Variants in CLMN observed in about 807,000 individuals in gnomAD.
The protein encoded by CLMN is calmin (calponin-like, transmembrane).
In CLMN, 57 loss-of-function variants were observed where a neutral mutation model predicts 92.7. That is an observed-to-expected ratio of 0.61 (90% CI 0.50 to 0.77). The LOEUF (loss-of-function observed/expected upper bound fraction) is 0.77, where lower values mean the gene tolerates loss of function less well. CLMN is among the 30% of genes least tolerant of loss of function. The pLI, the probability that CLMN is intolerant of heterozygous loss-of-function variation, is 0.00. For missense variants in CLMN, 1,158 were observed against 1,237.5 expected, an observed-to-expected ratio of 0.94 and a Z score of 0.96; for synonymous variants, 466 against 470.6, an observed-to-expected ratio of 0.99 and a Z score of 0.13.
intron 1 of CLMN, among the ~76,000 whole-genome samples, chr14:95,237,051 C>T (rs916303828): frequency 3.9e-5 from 6 of 152,274 alleles, no homozygotes; most frequent in East Asian, 3.9e-4. Context: ...CGTAAGTGCT[C>T]AATAGATGCA....
chr14:95,195,767 C>T (rs763425344), intron 10 of CLMN, among the ~76,000 whole-genome samples: 1 of 151,946 alleles, frequency 6.6e-6, no homozygotes, highest in Non-Finnish European at 1.5e-5. Context: ...AGTTCCTGGG[C>T]ACAGTAAGGG....
chr14:95,223,058 G>A (rs908398900), intron 3 of CLMN, among the ~76,000 whole-genome samples: 6 of 152,188 alleles, frequency 3.9e-5, no homozygotes, highest in Non-Finnish European at 5.9e-5. Context: ...TTCTGGGCTG[G>A]ATCAGTTTGC....
intron 8 of CLMN, among the ~76,000 whole-genome samples, chr14:95,207,796 C>T (rs950622689): frequency 6.6e-6 from 1 of 152,176 alleles, no homozygotes; most frequent in African/African-American, 2.4e-5. Flanking sequence ...GAAACACACA[C>T]ACAGGTGGGG....
chr14:95,239,871 A>AT (rs1898185742), intron 1 of CLMN, among the ~76,000 whole-genome samples: 1 of 152,246 alleles, frequency 6.6e-6, no homozygotes, highest in African/African-American at 2.4e-5. Flanking sequence ...GATGGACCAC[A>AT]TACACAATGG....
intron 1 of CLMN, among the ~76,000 whole-genome samples, chr14:95,276,385 T>C (rs1899928826): frequency 6.6e-6 from 1 of 152,220 alleles, no homozygotes; most frequent in Non-Finnish European, 1.5e-5. Flanking sequence ...CGCTCTTTGC[T>C]GTCATCTGTG....
At chr14:95,304,649 A>T (rs1901198164) in intron 1 of CLMN, among the ~76,000 whole-genome samples, 1 of 152,112 alleles carries the variant, frequency 6.6e-6, no homozygotes, top group African/African-American at 2.4e-5. Flanking sequence ...TGTACTGTAC[A>T]ATCTATATAG....
chr14:95,196,667 T>G lies in CLMN; in HGVS notation c.2539A>C (p.Ile847Leu). The G allele has an allele frequency of 6.2e-7, 1 of 1,613,402 alleles. No homozygotes were observed. Among genetic ancestry groups the G allele is most frequent in the South Asian group, 1.1e-5 (1 of 90,984 alleles). Reference sequence around the variant, plus strand: ...ACATTTTCTTCTAGGGGGTTTGCTATGTTTTCCAGGTTTGGGGATTCCTGG... The same window carrying G: ...ACATTTTCTTCTAGGGGGTTTGCTAGGTTTTCCAGGTTTGGGGATTCCTGG... Reference protein sequence around the residue: ...QSQESPNLENIANPLEENVTK... With the variant: ...QSQESPNLENLANPLEENVTK... The change falls in exon 10 of 13, where the codon ATA becomes CTA. Residue 847 changes from isoleucine to leucine, a missense_variant. Coordinates refer to ENST00000298912, the MANE Select transcript of CLMN (RefSeq NM_024734.4).
At position 95,221,736 on chromosome 14, in the gene CLMN, C is replaced by T. The variant is rs938093788; in HGVS notation, c.279G>A (p.Arg93=). Residue 93 remains arginine, a synonymous_variant, in exon 4 of 13, where the codon CGG becomes CGA. Coordinates refer to ENST00000298912, the MANE Select transcript of CLMN (RefSeq NM_024734.4). ...EYKSSSHRIF[R]LNNIAKALKF... is the part of the protein sequence containing the mutation. ...TAAGTGCTTTCGCTATGTTGTTCAACCGAAAAATACGATGCGACGAGGATT... is the reference window on the plus strand; with the variant it reads ...TAAGTGCTTTCGCTATGTTGTTCAATCGAAAAATACGATGCGACGAGGATT... The T allele has an allele frequency of 6.2e-7, 1 of 1,613,980 alleles. No homozygotes were observed. Among genetic ancestry groups the T allele is most frequent in the African/African-American group, 1.3e-5 (1 of 74,920 alleles).
chr14:95,306,534 A>T (rs1901286496), intron 1 of CLMN, among the ~76,000 whole-genome samples: 1 of 148,892 alleles, frequency 6.7e-6, no homozygotes, highest in African/African-American at 2.5e-5. Flanking sequence ...CATCTCAAAC[A>T]AAAAAAAAAG....
chr14:95,258,362 T>G (rs760421242), intron 1 of CLMN, among the ~76,000 whole-genome samples: 5 of 148,542 alleles, frequency 3.4e-5, no homozygotes, highest in Non-Finnish European at 7.5e-5. Flanking sequence ...GGTATGTTTG[T>G]GTGGGGGTGT....
At chr14:95,199,389 C>A (rs749357709) in intron 9 of CLMN, 11 of 152,232 alleles carry the variant, frequency 7.2e-5, no homozygotes, top group Non-Finnish European at 1.5e-4. Context: ...TTCTGTAGCT[C>A]CCGCAGGGTG....
Position 95,223,848 on chromosome 14 carries a change from G to C in CLMN, c.152C>G (p.Pro51Arg), listed in dbSNP as rs962477618. The C allele has an allele frequency of 1.2e-6, 2 of 1,610,738 alleles. No homozygotes were observed. Among genetic ancestry groups the C allele is most frequent in the Admixed American group, 1.7e-5 (1 of 59,106 alleles). ...WINLHLEKCN[P>R]PLEVKDLFVD... ...GAATAAATCTTTAACTTCTAGAGGT[G>C]GGTTGCACTTTGAAAGAGAAGGGAA... The change falls in exon 3 of 13, where the codon CCA (proline) becomes CGA (arginine). Residue 51 changes from proline to arginine, a missense_variant. Physicochemically the swap from Pro to Arg is moderately radical, Grantham distance 103. Transcript: ENST00000298912.
chr14:95,303,013 A>G (rs958907982), intron 1 of CLMN, among the ~76,000 whole-genome samples: 2 of 152,210 alleles, frequency 1.3e-5, no homozygotes, highest in African/African-American at 4.8e-5. Context: ...GGAGTCTCCA[A>G]AGAGTGTTTC....
chr14:95,191,649 G>A lies in CLMN; in HGVS notation c.2924C>T (p.Pro975Leu), dbSNP rs147953886. 55 of 1,613,616 alleles carry A rather than the reference G, an allele frequency of 3.4e-5. No homozygotes were observed. The highest frequency in any genetic ancestry group is 6.7e-5 in the East Asian group (3 of 44,890). Residue 975 changes from proline (P) to leucine (L), a missense_variant, in exon 13 of 13, where the codon CCG becomes CTG. Transcript: ENST00000298912. This position sits in a 1 kb window ranked among gnomAD's most constrained non-coding sequence, Gnocchi z 5.3. ...GAAGAGAATAAAATACATCATATCC[G>A]GCTGCTGGACAAGCTGTGTCAGGGA... The part of the protein sequence containing the change: ...SDSLTQLVQQ[P>L]DMMYFILFLW...
At chr14:95,196,428 A>G in intron 10 of CLMN, 70 bp downstream of exon 10, 1 of 1,475,460 alleles carries the variant, frequency 6.8e-7, no homozygotes, top group Non-Finnish European at 9.2e-7. Context: ...ACCCCATCAA[A>G]TCAGAAACTG....
rs1453683013 is a variant in CLMN, at chr14:95,187,297, A to C, written c.*4267T>G. The C allele has an allele frequency of 2.6e-5, 4 of 152,264 alleles. No individual in the cohort carries two copies. The highest frequency in any genetic ancestry group is 9.6e-5 in the African/African-American group (4 of 41,462). 9.4% of individuals were successfully genotyped at this position (152,264 alleles called of 1,614,324 possible). On this transcript the variant is annotated 3_prime_UTR_variant, in exon 13 of 13. Coordinates refer to ENST00000298912, the MANE Select transcript of CLMN (RefSeq NM_024734.4). Reference sequence around the variant, plus strand: ...ATGAAAATAGGAGCAGAGGAATGAAAGTTATATTAATACAACCATGAACAC... The same window carrying C: ...ATGAAAATAGGAGCAGAGGAATGAACGTTATATTAATACAACCATGAACAC...
At chr14:95,260,355 T>C (rs1394880739) in intron 1 of CLMN, among the ~76,000 whole-genome samples, 1 of 151,264 alleles carries the variant, frequency 6.6e-6, no homozygotes, top group Non-Finnish European at 1.5e-5. Context: ...GGCAGGAGAA[T>C]GGTGTGAACC....
intron 1 of CLMN, among the ~76,000 whole-genome samples, chr14:95,232,566 T>C (rs1398900882): frequency 6.6e-6 from 1 of 152,190 alleles, no homozygotes; most frequent in Non-Finnish European, 1.5e-5. Flanking sequence ...AGTTTCCTCC[T>C]TTTCTGTAAG....
At chr14:95,252,287 C>T (rs188792231) in intron 1 of CLMN, among the ~76,000 whole-genome samples, 13 of 152,310 alleles carry the variant, frequency 8.5e-5, no homozygotes, top group African/African-American at 2.9e-4. Flanking sequence ...GAAAGCTGCT[C>T]CCCCTCACTG....
Sources: allele counts gnomAD v4.1 joint callset (sites outside exome capture counted in the v4.1 genomes callset), GRCh38; gene constraint gnomAD v4.1.1; non-coding constraint Gnocchi (gnomAD v3.1); transcripts MANE v1.5; gene names NCBI Gene and HGNC (gene_info 2026-07-23, HGNC 2026-07-21).